MGAT5: variants seen among roughly 807,000 people sequenced by gnomAD.
MGAT5 encodes alpha-1,6-mannosylglycoprotein 6-beta-N-acetylglucosaminyltransferase A.
MGAT5 carries 30 observed loss-of-function variants against 94.3 expected under a neutral mutation model. That is an observed-to-expected ratio of 0.32 (90% CI 0.24 to 0.43). MGAT5 has a LOEUF of 0.43. MGAT5 is among the 20% of genes least tolerant of loss of function. The probability of loss-of-function intolerance (pLI) is 1.00; values close to 1 mark genes in which losing one functional copy is unlikely to be tolerated. For missense variants in MGAT5, 691 were observed against 905.5 expected, an observed-to-expected ratio of 0.76 and a Z score of 3.04; for synonymous variants, 310 against 322.9, an observed-to-expected ratio of 0.96 and a Z score of 0.43.
intron 1 of MGAT5, among the ~76,000 whole-genome samples, chr2:134,125,822 TGA>T (rs1434078475): frequency 2.0e-5 from 3 of 152,198 alleles, no homozygotes; most frequent in Non-Finnish European, 4.4e-5. Context: ...TCCTTTGGAA[TGA>T]GGGGTTCCCT....
At chr2:134,336,952 C>T (rs911880072) in intron 5 of MGAT5, among the ~76,000 whole-genome samples, 1 of 152,118 alleles carries the variant, frequency 6.6e-6, no homozygotes, top group Non-Finnish European at 1.5e-5. Flanking sequence ...ACAAAATACC[C>T]AGATAGTAAA....
chr2:134,186,641 G>A (rs1689049796), intron 1 of MGAT5, among the ~76,000 whole-genome samples: 1 of 152,200 alleles, frequency 6.6e-6, no homozygotes, highest in Admixed American at 6.5e-5. Flanking sequence ...GTGACAGGAT[G>A]TGAACCAGGT....
At chr2:134,150,461 C>G (rs1323748954) in intron 1 of MGAT5, among the ~76,000 whole-genome samples, 1 of 152,190 alleles carries the variant, frequency 6.6e-6, no homozygotes, top group African/African-American at 2.4e-5. Flanking sequence ...TGACACCAAG[C>G]AAGGAGATAT....
intron 1 of MGAT5, among the ~76,000 whole-genome samples, chr2:134,123,502 G>A (rs1370588676): frequency 6.6e-6 from 1 of 152,230 alleles, no homozygotes; most frequent in African/African-American, 2.4e-5. Context: ...TTTCTCAAGA[G>A]GCTTTAAGCG....
chr2:134,131,018 C>T (rs946146614), intron 1 of MGAT5, among the ~76,000 whole-genome samples: 9 of 152,190 alleles, frequency 5.9e-5, no homozygotes, highest in African/African-American at 2.2e-4. Context: ...CCCCTGGGGT[C>T]CCCTTCCATA....
intron 9 of MGAT5, among the ~76,000 whole-genome samples, chr2:134,355,158 A>G (rs1416501447): frequency 6.6e-6 from 1 of 152,146 alleles, no homozygotes; most frequent in Non-Finnish European, 1.5e-5. Flanking sequence ...ACTTCCTCCA[A>G]TTTTCCAATC....
Position 134,254,434 on chromosome 2 carries a change from T to A in MGAT5, c.31T>A (p.Ser11Thr). Reference protein sequence around the residue: MALFTPWKLSSQKLGFFLVTF... With the variant: MALFTPWKLSTQKLGFFLVTF... ...TCTCTTCACTCCGTGGAAGTTGTCC[T>A]CTCAGAAGCTGGGCTTTTTCCTGGT... The change falls in exon 1 of 16, where the codon TCT (serine) becomes ACT (threonine). Residue 11 changes from serine to threonine, a missense_variant. Ser to Thr is a moderately conservative substitution (Grantham distance 58). Transcript: ENST00000281923. 6.2e-7 allele frequency: 1 copy of A among 1,614,238 alleles called. No individual in the cohort carries two copies. The highest frequency in any genetic ancestry group is 8.5e-7 in the Non-Finnish European group (1 of 1,180,030).
At chr2:134,433,833 CT>C (rs11307289) in intron 14 of MGAT5, among the ~76,000 whole-genome samples, 101,471 of 137,604 alleles carry the variant, frequency 0.74, 37,422 homozygotes, top group East Asian at 0.93. Context: ...GTCCTACCAA[CT>C]TTTTTTTTTT....
At chr2:134,264,298 A>G (rs1683552805) in intron 1 of MGAT5, among the ~76,000 whole-genome samples, 1 of 152,166 alleles carries the variant, frequency 6.6e-6, no homozygotes, top group Non-Finnish European at 1.5e-5. Context: ...CTGGGATTAC[A>G]GGCATGAGCC....
chr2:134,342,407 CT>C (rs1269301095), intron 7 of MGAT5, among the ~76,000 whole-genome samples: 1 of 152,162 alleles, frequency 6.6e-6, no homozygotes, highest in Non-Finnish European at 1.5e-5. Context: ...TGCCATGTTG[CT>C]ATATGTCGTA....
chr2:134,434,427 A>T (rs1234691020), intron 14 of MGAT5, among the ~76,000 whole-genome samples: 3 of 152,226 alleles, frequency 2.0e-5, no homozygotes, highest in Non-Finnish European at 4.4e-5. Flanking sequence ...TGGTTGAAAT[A>T]ATTGTTAGGG....
At chr2:134,163,589 C>T (rs1054076183) in intron 1 of MGAT5, among the ~76,000 whole-genome samples, 2 of 152,276 alleles carry the variant, frequency 1.3e-5, no homozygotes, top group Middle Eastern at 3.4e-3. Flanking sequence ...GTTGGATGCT[C>T]AGAGGAGAGA....
At chr2:134,208,088 C>G (rs540275788) in intron 1 of MGAT5, among the ~76,000 whole-genome samples, 1 of 152,124 alleles carries the variant, frequency 6.6e-6, no homozygotes, top group East Asian at 1.9e-4. Flanking sequence ...GAAGGATCCC[C>G]AAGGACACAT....
intron 10 of MGAT5, among the ~76,000 whole-genome samples, chr2:134,387,388 AT>A (rs891064501): frequency 1.8e-5 from 2 of 111,566 alleles, no homozygotes; most frequent in Non-Finnish European, 3.4e-5. Context: ...TTCATAGAGT[AT>A]TGGTTAAGAA....
chr2:134,309,483 G>A (rs1172275845), intron 2 of MGAT5, among the ~76,000 whole-genome samples: 1 of 152,144 alleles, frequency 6.6e-6, no homozygotes, highest in Non-Finnish European at 1.5e-5. Flanking sequence ...GTTATTGTCT[G>A]AATTTTTATT....
intron 11 of MGAT5, among the ~76,000 whole-genome samples, chr2:134,409,049 A>G (rs1379986873): frequency 1.7e-4 from 26 of 152,222 alleles, no homozygotes; most frequent in Admixed American, 1.7e-3. Context: ...ACTCATAAAT[A>G]TACATGCAGG....
At chr2:134,232,606 A>G (rs1335986125) in intron 1 of MGAT5, among the ~76,000 whole-genome samples, 1 of 152,204 alleles carries the variant, frequency 6.6e-6, no homozygotes. Context: ...CCTTCCCCAG[A>G]TTTCATGCTC....
At chr2:134,262,967 G>C (rs1218257303) in intron 1 of MGAT5, among the ~76,000 whole-genome samples, 1 of 152,210 alleles carries the variant, frequency 6.6e-6, no homozygotes, top group Non-Finnish European at 1.5e-5. Flanking sequence ...CTGTTCAAAA[G>C]ATACAGTTTT....
chr2:134,177,069 CCATGACCAGA>C (rs1198826809), intron 1 of MGAT5, among the ~76,000 whole-genome samples: 3 of 141,346 alleles, frequency 2.1e-5, no homozygotes, highest in Non-Finnish European at 4.4e-5. Flanking sequence ...CCCTCAGCCA[CCATGACCAGA>C]TATCTGACCC....
Sources: gnomAD v4.1 joint callset for allele counts (sites outside exome capture counted in the v4.1 genomes callset) on GRCh38, gnomAD v4.1.1 for gene constraint, MANE v1.5 for transcripts, NCBI Gene and HGNC (gene_info 2026-07-23, HGNC 2026-07-21) for gene names.